Variants in GNG4 observed in about 807,000 individuals in gnomAD.
GNG4 encodes guanine nucleotide-binding protein G(I)/G(S)/G(O) subunit gamma-4.
GNG4 carries 4 observed loss-of-function variants against 5.8 expected under a neutral mutation model. That is an observed-to-expected ratio of 0.69 (90% confidence interval 0.34 to 1.57). GNG4 has a LOEUF of 1.57. Ranked by LOEUF, GNG4 falls within the 40% of genes most tolerant of loss-of-function variation. The pLI is 0.06. For synonymous variants in GNG4, 29 were observed against 32.9 expected, an observed-to-expected ratio of 0.88 and a Z score of 0.41; for missense variants, 96 against 95.1, an observed-to-expected ratio of 1.01 and a Z score of -0.04.
Position 235,592,124 on chromosome 1 carries a change from C to T in GNG4, c.-11+3276G>A, listed in dbSNP as rs73120714. ...GTCTCTGAGTTGTTTTTCAGAAACC[C>T]GGCCCCCTACGGAATGAATCAGCTG... On this transcript the variant is annotated intron_variant, in intron 2 of 3. Transcript: ENST00000391854. 8.6e-3 allele frequency among the ~76,000 whole-genome samples: 1,306 copies of T among 152,268 alleles called. 26 individuals are homozygous for T. Among genetic ancestry groups the T allele is most frequent in the African/African-American group, 0.029 (1,223 of 41,528 alleles).
chr1:235,635,583 T>G (rs1571925589), intron 1 of GNG4, among the ~76,000 whole-genome samples: 1 of 15,232 alleles, frequency 6.6e-5, no homozygotes, highest in South Asian at 2.3e-3. Context: ...TCCTGAGGCC[T>G]CCCCAGAAGC....
At chr1:235,559,414 G>C (rs567878097) in intron 3 of GNG4, among the ~76,000 whole-genome samples, 1 of 152,200 alleles carries the variant, frequency 6.6e-6, no homozygotes, top group African/African-American at 2.4e-5. Flanking sequence ...GCACTGCAGG[G>C]TGAACTCTTG....
In GNG4 at chr1:235,549,967, C is replaced by G. The variant is rs573068696; in HGVS notation, c.*2142G>C. 3 of 152,302 alleles carry G rather than the reference C, an allele frequency of 2.0e-5. No individual in the cohort carries two copies. The East Asian group carries it at 5.8e-4, about 29-fold the overall frequency. The allele number at this position is 152,302 out of a possible 1,614,324, so 9.4% of individuals were successfully genotyped here. A position where few individuals can be genotyped will look rare whatever the true frequency, so the allele number is the denominator to read the frequency against. On this transcript the variant is annotated 3_prime_UTR_variant, in exon 4 of 4. Transcript: ENST00000391854. ...AAGGCAGGATAATTACCATTAAACC[C>G]AATTTGCAGGTTAGAACATTTCAGG...
chr1:235,583,692 T>C, intron 3 of GNG4, 48 bp downstream of exon 3: 1 of 1,247,764 alleles, frequency 8.0e-7, no homozygotes, highest in Non-Finnish European at 1.2e-6. Flanking sequence ...GAGGAATGTT[T>C]TGAGCTGAGC....
intron 3 of GNG4, 39 bp downstream of exon 3, chr1:235,583,701 G>T: frequency 7.5e-7 from 1 of 1,325,782 alleles, no homozygotes; most frequent in Non-Finnish European, 1.1e-6. Flanking sequence ...TTTGAGCTGA[G>T]CTTCGGGCGG....
chr1:235,603,530 G>A (rs921052039), intron 1 of GNG4, among the ~76,000 whole-genome samples: 1 of 152,004 alleles, frequency 6.6e-6, no homozygotes, highest in East Asian at 1.9e-4. Context: ...TAGGAACACC[G>A]TCCCCCTCGC....
chr1:235,595,241 G>C (rs1309167625), intron 2 of GNG4, among the ~76,000 whole-genome samples, 159 bp downstream of exon 2: 1 of 152,144 alleles, frequency 6.6e-6, no homozygotes, highest in Admixed American at 6.5e-5. Context: ...GGGAGAAGGG[G>C]ACAGGACAGT....
chr1:235,622,034 A>G (rs1688723284), intron 1 of GNG4, among the ~76,000 whole-genome samples: 1 of 152,160 alleles, frequency 6.6e-6, no homozygotes, highest in Admixed American at 6.5e-5. Flanking sequence ...TAGAAAATAA[A>G]ATTAACTTAT....
chr1:235,571,897 G>C, intron 3 of GNG4, among the ~76,000 whole-genome samples: 1 of 152,112 alleles, frequency 6.6e-6, no homozygotes, highest in East Asian at 1.9e-4. Context: ...GAGTGCAGTG[G>C]CAGGATCAGG....
At chr1:235,566,029 T>TA (rs1490704746) in intron 3 of GNG4, 5 of 152,236 alleles carry the variant, frequency 3.3e-5, no homozygotes, top group Admixed American at 3.3e-4. Flanking sequence ...ATCACACTGA[T>TA]AAAGAATTGA....
intron 1 of GNG4, among the ~76,000 whole-genome samples, chr1:235,603,444 A>C (rs1467110988): frequency 6.6e-6 from 1 of 152,096 alleles, no homozygotes; most frequent in Admixed American, 6.6e-5. Flanking sequence ...GCTGGAGCTG[A>C]ATGTCCTGAC....
intron 2 of GNG4, among the ~76,000 whole-genome samples, chr1:235,587,802 G>A: frequency 7.0e-6 from 1 of 142,736 alleles, no homozygotes; most frequent in African/African-American, 2.6e-5. Context: ...GTGAAGGTGA[G>A]AGTGTGAATA....
rs1417981645 is a variant in GNG4, at chr1:235,648,278, T to A, written c.-123+1384A>T. The stretch of plus-strand genomic sequence containing the variant: ...AGGCTGCTCATTAACAGGCAAGGCA[T>A]CACTGTAAACCTTGCATTTGCATTT... On this transcript the variant is annotated intron_variant, in intron 1 of 3. Coordinates refer to ENST00000391854, the MANE Select transcript of GNG4 (RefSeq NM_001098722.2). The surrounding 1 kb of genome is among the most constrained non-coding windows in gnomAD (Gnocchi z 5.0). 6.6e-6 allele frequency among the ~76,000 whole-genome samples: 1 copy of A among 152,204 alleles called. No homozygotes were observed. Among genetic ancestry groups the A allele is most frequent in the Non-Finnish European group, 1.5e-5 (1 of 68,030 alleles).
intron 3 of GNG4, among the ~76,000 whole-genome samples, chr1:235,567,997 C>T (rs1219682909): frequency 6.6e-6 from 1 of 152,162 alleles, no homozygotes; most frequent in African/African-American, 2.4e-5. Context: ...TGTTCCCTCA[C>T]TCTGCACGTA....
At chr1:235,613,371 C>T (rs980794037) in intron 1 of GNG4, among the ~76,000 whole-genome samples, 1 of 152,156 alleles carries the variant, frequency 6.6e-6, no homozygotes, top group African/African-American at 2.4e-5. Context: ...CTCCCCAGAA[C>T]CTGTGAACAT....
chr1:235,632,262 T>A (rs919345896), intron 1 of GNG4, among the ~76,000 whole-genome samples: 2 of 152,124 alleles, frequency 1.3e-5, no homozygotes, highest in African/African-American at 4.8e-5. Context: ...AGTTATTTTA[T>A]TTTTTGTAGA....
intron 1 of GNG4, among the ~76,000 whole-genome samples, chr1:235,605,729 T>C (rs1306325265): frequency 6.6e-6 from 1 of 151,918 alleles, no homozygotes; most frequent in Non-Finnish European, 1.5e-5. Context: ...TGTTGCAGCA[T>C]GGGTAAAGAC....
rs777378509 is a variant in GNG4, at chr1:235,548,204, G to T, written c.*3905C>A. 1 of 152,142 alleles carries T rather than the reference G, an allele frequency of 6.6e-6. No homozygotes were observed. The highest frequency in any genetic ancestry group is 1.5e-5 in the Non-Finnish European group (1 of 68,020). 9.4% of individuals were successfully genotyped at this position (152,142 alleles called of 1,614,324 possible). A position where few individuals can be genotyped will look rare whatever the true frequency, so the allele number is the denominator to read the frequency against. On this transcript the variant is annotated 3_prime_UTR_variant, in exon 4 of 4. Coordinates refer to ENST00000391854, the MANE Select transcript of GNG4 (RefSeq NM_001098722.2). ...AGGGTATACACCTAGGGGTGGAATT[G>T]TTAGGTCATATATATTTACATCCAA... is the stretch of plus-strand genomic sequence containing the variant.
intron 3 of GNG4, among the ~76,000 whole-genome samples, chr1:235,576,221 G>A (rs1023751983): frequency 3.3e-4 from 25 of 75,582 alleles, no homozygotes; most frequent in Admixed American, 2.1e-3. Context: ...CCACCATGCC[G>A]GGCTAATTTT....
Sources: gnomAD v4.1 joint callset for allele counts (sites outside exome capture counted in the v4.1 genomes callset) on GRCh38, gnomAD v4.1.1 for gene constraint, Gnocchi (gnomAD v3.1) non-coding constraint, MANE v1.5 for transcripts, NCBI Gene and HGNC (gene_info 2026-07-23, HGNC 2026-07-21) for gene names.